Variants in SLC5A12 observed in about 807,000 individuals in gnomAD.
The protein encoded by SLC5A12 is sodium-coupled monocarboxylate transporter 2.
SLC5A12 carries 46 observed loss-of-function variants against 72.7 expected under a neutral mutation model. That is an observed-to-expected ratio of 0.63 (90% CI 0.50 to 0.81). The LOEUF (loss-of-function observed/expected upper bound fraction) is 0.81. SLC5A12 is among the 30% of genes least tolerant of loss of function. The pLI is 0.00. For missense variants in SLC5A12, 683 were observed against 740.7 expected, an observed-to-expected ratio of 0.92 and a Z score of 0.90; for synonymous variants, 275 against 264.4, an observed-to-expected ratio of 1.04 and a Z score of -0.39.
At chr11:26,700,546 A>C (rs776937876) in intron 6 of SLC5A12, among the ~76,000 whole-genome samples, 2 of 144,226 alleles carry the variant, frequency 1.4e-5, no homozygotes, top group Non-Finnish European at 3.0e-5. Flanking sequence ...AGATAATTTT[A>C]GATCTGATAG....
At chr11:26,702,053 A>T (rs1185676953) in intron 6 of SLC5A12, among the ~76,000 whole-genome samples, 1 of 152,166 alleles carries the variant, frequency 6.6e-6, no homozygotes. Flanking sequence ...ATCATTATTT[A>T]TTTTACCAAA....
intron 4 of SLC5A12, among the ~76,000 whole-genome samples, chr11:26,708,608 C>T (rs1045633666): frequency 3.3e-5 from 5 of 152,026 alleles, no homozygotes; most frequent in African/African-American, 1.2e-4. Flanking sequence ...CTGGGAACCA[C>T]TACCATATGC....
chr11:26,681,292 A>C, intron 11 of SLC5A12, 71 bp from the exon 12 acceptor site: 34 of 1,229,964 alleles, frequency 2.8e-5, no homozygotes, highest in Non-Finnish European at 3.5e-5. Flanking sequence ...TGAGATGAGG[A>C]GTTCTATGCC....
At chr11:26,686,260 T>C (rs2133156191) in intron 10 of SLC5A12, among the ~76,000 whole-genome samples, 1 of 151,626 alleles carries the variant, frequency 6.6e-6, no homozygotes, top group Admixed American at 6.6e-5. Flanking sequence ...GATTTAATAG[T>C]TTCCCCTTCG....
intron 6 of SLC5A12, among the ~76,000 whole-genome samples, chr11:26,702,065 G>T (rs985592665): frequency 2.0e-5 from 3 of 152,052 alleles, no homozygotes; most frequent in African/African-American, 7.2e-5. Flanking sequence ...TTTACCAAAG[G>T]ATTCTTCTCT....
At chr11:26,718,620 TTGTGTGTGTGTGTG>T (rs10578471) in intron 1 of SLC5A12, among the ~76,000 whole-genome samples, 122 of 149,050 alleles carry the variant, frequency 8.2e-4, no homozygotes, top group Non-Finnish European at 8.3e-4. Flanking sequence ...CTGGCTAATT[TTGTGTGTGTGTGTG>T]TGTGTGTGTG....
rs768330165 is a variant in SLC5A12 at position 26,671,352 on chromosome 11, A to G, written c.1708-101T>C. On this transcript the variant is annotated intron_variant, in intron 14 of 14. Coordinates refer to ENST00000396005, the MANE Select transcript of SLC5A12 (RefSeq NM_178498.4). The stretch of plus-strand genomic sequence containing the variant: ...AGGCCTTGGCTTCAAAAAATTATAT[A>G]TATGTACAAAAGAAGCATAAACAAC... 1.6e-4 allele frequency: 162 copies of G among 983,564 alleles called. 1 individual carries two copies. The highest frequency in any genetic ancestry group is 2.3e-4 in the Non-Finnish European group (157 of 675,836). The allele number at this position is 983,564 out of a possible 1,614,324, so 60.9% of individuals were successfully genotyped here. A position where few individuals can be genotyped will look rare whatever the true frequency, so the allele number is the denominator to read the frequency against.
Position 26,671,245 on chromosome 11 carries a change from G to C in SLC5A12, c.1714C>G (p.Leu572Val). Residue 572 changes from leucine to valine, a missense_variant, in exon 15 of 15, where the codon CTT (leucine) becomes GTT (valine). Transcript: ENST00000396005. ...TGTTTCCGGGCACTGCCATTCTCAA[G>C]GTTTTCCTGAGGGAAATACAAAGAC... ...QHDSGTEQEN[L>V]ENGSARKQGA... 6.3e-7 allele frequency: 1 copy of C among 1,595,032 alleles called. No individual in the cohort carries two copies. Among genetic ancestry groups the C allele is most frequent in the Non-Finnish European group, 8.5e-7 (1 of 1,171,384 alleles).
intron 1 of SLC5A12, among the ~76,000 whole-genome samples, chr11:26,717,968 T>A (rs2133225084): frequency 6.6e-6 from 1 of 152,276 alleles, no homozygotes; most frequent in East Asian, 1.9e-4. Flanking sequence ...TCAGAAGGCC[T>A]AGGCTCCAAG....
At chr11:26,704,035 A>G (rs937748349) in intron 4 of SLC5A12, 88 bp from the exon 5 acceptor site, 20 of 1,399,806 alleles carry the variant, frequency 1.4e-5, no homozygotes, top group Non-Finnish European at 1.9e-5. Flanking sequence ...GCATGCATGC[A>G]TTCTTTTGTT....
Position 26,692,512 on chromosome 11 carries a change from C to T in SLC5A12, c.1130G>A (p.Ser377Asn). The T allele has an allele frequency of 6.2e-7, 1 of 1,613,528 alleles. No homozygotes were observed. The highest frequency in any genetic ancestry group is 8.5e-7 in the Non-Finnish European group (1 of 1,179,446). ...SCFPHLSDKL[S>N]TWISKGLCLL... ...ACATAAGCCTTTACTGATCCAGGTG[C>T]TCAGCTTGTCGGAGAGATGAGGAAA... is the stretch of plus-strand genomic sequence containing the variant. Residue 377 changes from serine to asparagine, a missense_variant, in exon 9 of 15, where the codon AGC (serine) becomes AAC (asparagine). Coordinates refer to ENST00000396005, the MANE Select transcript of SLC5A12 (RefSeq NM_178498.4).
In SLC5A12 at chr11:26,678,797, G is replaced by C. The variant is rs150900623; in HGVS notation, c.1494C>G (p.Thr498=). 1.3e-3 allele frequency: 2,081 copies of C among 1,612,772 alleles called. 28 individuals carry two copies. In the African/African-American group the frequency reaches 0.024, roughly 19 times the overall value. ...VLSSRPGIAD[T]WYSISYLYYS... ...AGTAAAGGTAGGAGATCGAGTACCA[G>C]GTATCAGCTATTCCAGGTCTGTGGA... The change falls in exon 13 of 15, where the codon ACC becomes ACG. Residue 498 remains threonine (T), a synonymous_variant. Coordinates refer to ENST00000396005, the MANE Select transcript of SLC5A12 (RefSeq NM_178498.4).
intron 6 of SLC5A12, 146 bp downstream of exon 6, chr11:26,703,385 T>C: frequency 3.5e-6 from 3 of 855,262 alleles, no homozygotes; most frequent in Non-Finnish European, 5.2e-6. Context: ...GTTGAAAGAG[T>C]TAAGTGAGTC....
intron 13 of SLC5A12, among the ~76,000 whole-genome samples, chr11:26,674,252 G>A (rs1185792946): frequency 6.6e-6 from 1 of 152,054 alleles, no homozygotes; most frequent in Non-Finnish European, 1.5e-5. Flanking sequence ...TAGTCCCATA[G>A]TCAGTGTAGT....
At chr11:26,689,719 T>C (rs1159332495) in intron 9 of SLC5A12, among the ~76,000 whole-genome samples, 1 of 152,216 alleles carries the variant, frequency 6.6e-6, no homozygotes, top group African/African-American at 2.4e-5. Context: ...TCGTTAACAA[T>C]GTGCATGTTA....
chr11:26,703,628 T>C lies in SLC5A12; in HGVS notation c.724A>G (p.Thr242Ala). The C allele has an allele frequency of 6.2e-7, 1 of 1,613,926 alleles. No homozygotes were observed. ...AGCCAAGTAAAAGTTCCTCCCACTGTGATAGTCCAAAAAGTGTGTCGCCTG... is the reference window on the plus strand; with the variant it reads ...AGCCAAGTAAAAGTTCCTCCCACTGCGATAGTCCAAAAAGTGTGTCGCCTG... The part of the protein sequence containing the change: ...PLRRHTFWTI[T>A]VGGTFTWLGI... The change falls in exon 6 of 15, where the codon ACA becomes GCA. Residue 242 changes from threonine (T) to alanine (A), a missense_variant. Transcript: ENST00000396005.
upstream of SLC5A12, among the ~76,000 whole-genome samples, chr11:26,722,976 C>A (rs2133234727): frequency 6.6e-6 from 1 of 151,776 alleles, no homozygotes; most frequent in African/African-American, 2.4e-5. Context: ...CAGCCATCAT[C>A]TTGCCTATTT....
At chr11:26,691,134 A>C (rs2133167747) in intron 9 of SLC5A12, among the ~76,000 whole-genome samples, 1 of 152,238 alleles carries the variant, frequency 6.6e-6, no homozygotes, top group East Asian at 1.9e-4. Context: ...AAATATACAG[A>C]AAGCAAAAAT....
At chr11:26,716,928 C>T (rs1044816817) in intron 1 of SLC5A12, among the ~76,000 whole-genome samples, 1 of 152,062 alleles carries the variant, frequency 6.6e-6, no homozygotes, top group Non-Finnish European at 1.5e-5. Flanking sequence ...ACTTCCCTTC[C>T]CAAACACTGT....
Sources: gnomAD v4.1 joint callset for allele counts (sites outside exome capture counted in the v4.1 genomes callset) on GRCh38, gnomAD v4.1.1 for gene constraint, MANE v1.5 for transcripts, NCBI Gene and HGNC (gene_info 2026-07-23, HGNC 2026-07-21) for gene names.